GABRB1: variants seen among roughly 807,000 people sequenced by gnomAD.
The protein encoded by GABRB1 is gamma-aminobutyric acid receptor subunit beta-1.
In GABRB1, 17 loss-of-function variants were observed where a neutral mutation model predicts 51.6. The observed-to-expected ratio is 0.33, with a 90% CI of 0.23 to 0.49. The LOEUF is 0.49. Among genes scored for constraint, GABRB1 ranks in the 20% least tolerant of loss-of-function variants. The probability of loss-of-function intolerance (pLI) is 0.99; values close to 1 mark genes in which losing one functional copy is unlikely to be tolerated. For missense variants in GABRB1, 410 were observed against 600.6 expected, an observed-to-expected ratio of 0.68 and a Z score of 3.32; for synonymous variants, 247 against 218.9, an observed-to-expected ratio of 1.13 and a Z score of -1.14.
chr4:47,369,791 G>A (rs1263453240), intron 5 of GABRB1, among the ~76,000 whole-genome samples: 5 of 152,100 alleles, frequency 3.3e-5, no homozygotes, highest in Admixed American at 3.3e-4. Flanking sequence ...TTGGTACCAT[G>A]AAAATATAAT....
intron 4 of GABRB1, among the ~76,000 whole-genome samples, chr4:47,233,155 C>A (rs941313412): frequency 6.6e-6 from 1 of 152,080 alleles, no homozygotes; most frequent in African/African-American, 2.4e-5. Flanking sequence ...GGATTACAGG[C>A]GTGATCCACC....
At chr4:47,132,050 G>A (rs868126763) in intron 3 of GABRB1, among the ~76,000 whole-genome samples, 6 of 152,054 alleles carry the variant, frequency 3.9e-5, no homozygotes, top group South Asian at 2.1e-4. Flanking sequence ...TTTATTTGCT[G>A]TGATTTATGA....
At chr4:47,085,536 C>T (rs768741847) in intron 3 of GABRB1, among the ~76,000 whole-genome samples, 25 of 151,710 alleles carry the variant, frequency 1.6e-4, no homozygotes, top group African/African-American at 4.4e-4. Flanking sequence ...AAACAGTATA[C>T]GGAACTAGTG....
At chr4:47,267,405 GAA>G (rs1722678942) in intron 4 of GABRB1, among the ~76,000 whole-genome samples, 1 of 150,634 alleles carries the variant, frequency 6.6e-6, no homozygotes, top group Non-Finnish European at 1.5e-5. Flanking sequence ...TAGAAAAAAA[GAA>G]AAGAGATGAA....
chr4:47,330,026 G>T (rs1725418550), intron 5 of GABRB1, among the ~76,000 whole-genome samples: 1 of 152,050 alleles, frequency 6.6e-6, no homozygotes, highest in Non-Finnish European at 1.5e-5. Context: ...CGTAACTCTA[G>T]TCTGAAGACC....
chr4:47,151,842 G>T (rs573333613), intron 3 of GABRB1, among the ~76,000 whole-genome samples: 1 of 151,940 alleles, frequency 6.6e-6, no homozygotes, highest in African/African-American at 2.4e-5. Flanking sequence ...TTGTAAACAA[G>T]CCCCAAAATT....
intron 3 of GABRB1, among the ~76,000 whole-genome samples, chr4:47,077,922 T>G (rs1169284905): frequency 7.8e-6 from 1 of 127,904 alleles, no homozygotes; most frequent in Non-Finnish European, 1.6e-5. Context: ...ATTATATATT[T>G]TATATATATT....
intron 4 of GABRB1, among the ~76,000 whole-genome samples, chr4:47,219,390 A>G (rs889713397): frequency 2.0e-5 from 3 of 151,868 alleles, no homozygotes; most frequent in African/African-American, 7.2e-5. Context: ...TGATCTAGGT[A>G]CTCCACAAGT....
chr4:47,379,899 C>T (rs986361648), intron 5 of GABRB1, among the ~76,000 whole-genome samples: 28 of 152,144 alleles, frequency 1.8e-4, no homozygotes, highest in African/African-American at 6.5e-4. Context: ...AGCCTCAGTT[C>T]CCTAATCACT....
chr4:47,163,658 A>G (rs559261778), intron 4 of GABRB1, among the ~76,000 whole-genome samples: 237 of 152,120 alleles, frequency 1.6e-3, no homozygotes, highest in African/African-American at 4.9e-3. Flanking sequence ...TAGTCATGTT[A>G]CAAACCTGCA....
At chr4:47,130,341 G>C (rs1016568196) in intron 3 of GABRB1, among the ~76,000 whole-genome samples, 53 of 134,522 alleles carry the variant, frequency 3.9e-4, no homozygotes, top group African/African-American at 1.0e-3. Flanking sequence ...GTGTGTGTGT[G>C]TGTGTGTGTG....
At chr4:47,273,518 G>C (rs995176919) in intron 4 of GABRB1, among the ~76,000 whole-genome samples, 2 of 152,078 alleles carry the variant, frequency 1.3e-5, no homozygotes, top group African/African-American at 4.8e-5. Context: ...GATTGTTCTG[G>C]GCACAGTAGG....
At chr4:47,123,216 G>A (rs1305824813) in intron 3 of GABRB1, among the ~76,000 whole-genome samples, 2 of 147,560 alleles carry the variant, frequency 1.4e-5, no homozygotes, top group Admixed American at 7.0e-5. Context: ...ACTATTCTGG[G>A]CTAGAGACGA....
chr4:47,123,811 TTA>T (rs1167631360), intron 3 of GABRB1, among the ~76,000 whole-genome samples: 6 of 92,418 alleles, frequency 6.5e-5, no homozygotes, highest in East Asian at 2.8e-4. Context: ...ATATCATATA[TTA>T]TATATTATAT....
chr4:47,061,676 A>G (rs747983637), intron 3 of GABRB1, among the ~76,000 whole-genome samples: 6 of 152,216 alleles, frequency 3.9e-5, no homozygotes, highest in Non-Finnish European at 8.8e-5. Flanking sequence ...CAGAAGCTAT[A>G]TTGAAAGCAT....
intron 3 of GABRB1, among the ~76,000 whole-genome samples, chr4:47,106,644 TG>T (rs1402843790): frequency 1.3e-5 from 2 of 152,020 alleles, no homozygotes; most frequent in African/African-American, 4.8e-5. Flanking sequence ...ACATTAGCCT[TG>T]GTCTACATTA....
intron 4 of GABRB1, among the ~76,000 whole-genome samples, chr4:47,194,937 T>C (rs1242488842): frequency 6.6e-6 from 1 of 152,178 alleles, no homozygotes; most frequent in Non-Finnish European, 1.5e-5. Flanking sequence ...AATACATAAT[T>C]GCTAGGCTCC....
intron 8 of GABRB1, 34 bp downstream of exon 8, chr4:47,406,960 T>A (rs749841128): frequency 3.1e-6 from 5 of 1,594,496 alleles, no homozygotes; most frequent in Non-Finnish European, 4.3e-6. Flanking sequence ...AATATTCTTG[T>A]TAAATTTATC....
intron 3 of GABRB1, among the ~76,000 whole-genome samples, chr4:47,040,848 G>T (rs1374319491): frequency 6.6e-6 from 1 of 152,096 alleles, no homozygotes; most frequent in Admixed American, 6.6e-5. Flanking sequence ...TAGTAATATA[G>T]CTTTTTATCT....
Sources: gnomAD v4.1 joint callset for allele counts (sites outside exome capture counted in the v4.1 genomes callset) on GRCh38, gnomAD v4.1.1 for gene constraint, MANE v1.5 for transcripts, NCBI Gene and HGNC (gene_info 2026-07-23, HGNC 2026-07-21) for gene names.